AP4E1: variants seen among roughly 807,000 people sequenced by gnomAD.
AP4E1 encodes the protein AP-4 complex subunit epsilon-1.
Under a neutral mutation model 128.2 loss-of-function variants are expected in AP4E1, and 56 were observed. That is an observed-to-expected ratio of 0.44 (90% CI 0.35 to 0.55). AP4E1 has a LOEUF of 0.55. Ranked by LOEUF, AP4E1 falls within the 20% of genes least tolerant of loss-of-function variation. The pLI, the probability that AP4E1 is intolerant of heterozygous loss-of-function variation, is 0.00. For missense variants in AP4E1, 1,324 were observed against 1,307.7 expected (o/e 1.01, Z -0.19); for synonymous variants, 484 against 473.1 (o/e 1.02, Z -0.30).
intron 18 of AP4E1, 63 bp from the exon 19 acceptor site, chr15:50,999,009 A>G (rs1001380416): frequency 4.2e-6 from 6 of 1,435,578 alleles, no homozygotes; most frequent in African/African-American, 1.4e-5. Context: ...GAAAATTGGT[A>G]GTCATGTAAT....
intron 13 of AP4E1, among the ~76,000 whole-genome samples, chr15:50,955,671 G>T (rs2140873309): frequency 6.6e-6 from 1 of 152,316 alleles, no homozygotes. Flanking sequence ...TCAGAGAAAG[G>T]CAGGGACACT....
chr15:50,974,796 C>T (rs536240537), intron 15 of AP4E1, among the ~76,000 whole-genome samples: 2 of 151,132 alleles, frequency 1.3e-5, no homozygotes, highest in East Asian at 3.9e-4. Context: ...TTTCATATAC[C>T]TGTTGGCCAT....
At chr15:50,915,836 A>G (rs1368468305) in intron 3 of AP4E1, 1 of 407,484 alleles carries the variant, frequency 2.5e-6, no homozygotes, top group African/African-American at 2.0e-5. Context: ...GTCAGAACTC[A>G]TTGAACCATA....
At chr15:50,997,064 A>T (rs1219404423) in intron 17 of AP4E1, among the ~76,000 whole-genome samples, 1 of 152,174 alleles carries the variant, frequency 6.6e-6, no homozygotes, top group Non-Finnish European at 1.5e-5. Context: ...TTTGTTCATG[A>T]CTGACTTTTG....
Position 51,002,062 on chromosome 15 carries a change from G to C in AP4E1, c.3254-440G>C, listed in dbSNP as rs1298169203. 2.6e-5 allele frequency among the ~76,000 whole-genome samples: 4 copies of C among 152,140 alleles called. No individual in the cohort carries two copies. The East Asian group carries it at 7.7e-4, about 29-fold the overall frequency. ...CTCAGCTAATTTTTTGTATTTTTTA[G>C]TAGAGATGGGGTTTCACCATATTGC... is the stretch of plus-strand genomic sequence containing the variant. On this transcript the variant is annotated intron_variant, in intron 20 of 20. Coordinates refer to ENST00000261842, the MANE Select transcript of AP4E1 (RefSeq NM_007347.5).
chr15:50,949,367 C>T (rs2064112822), intron 11 of AP4E1, among the ~76,000 whole-genome samples: 2 of 149,560 alleles, frequency 1.3e-5, no homozygotes, highest in African/African-American at 4.9e-5. Flanking sequence ...GAACCGAGAT[C>T]GCACCACTGC....
intron 15 of AP4E1, 83 bp downstream of exon 15, chr15:50,968,460 A>G: frequency 2.0e-6 from 2 of 983,690 alleles, no homozygotes; most frequent in Non-Finnish European, 3.1e-6. Context: ...ATAAATAAAG[A>G]TATTTACTTT....
intron 15 of AP4E1, among the ~76,000 whole-genome samples, chr15:50,978,589 GTTTATAC>G (rs1323981785): frequency 1.3e-5 from 2 of 152,140 alleles, no homozygotes; most frequent in East Asian, 1.9e-4. Flanking sequence ...GCCCAGGATA[GTTTATAC>G]TTTATTATGT....
chr15:50,997,381 A>G lies in AP4E1; in HGVS notation c.2402A>G (p.Glu801Gly). 1 of 1,604,076 alleles carries G rather than the reference A, an allele frequency of 6.2e-7. No homozygotes were observed. Among genetic ancestry groups the G allele is most frequent in the Non-Finnish European group, 8.5e-7 (1 of 1,177,120 alleles). Residue 801 changes from glutamate to glycine, a missense_variant, in exon 18 of 21, where the codon GAA becomes GGA. Glu to Gly is a moderately conservative substitution (Grantham distance 98). Transcript: ENST00000261842. ...TTCAGAAGGAAATCAAAAGTCAAAGAAGCTAAAAGTGGCGAAACAACCAGT... is the reference window on the plus strand; with the variant it reads ...TTCAGAAGGAAATCAAAAGTCAAAGGAGCTAAAAGTGGCGAAACAACCAGT... ...HKFRRKSKVK[E>G]AKSGETTSTH... is the part of the protein sequence containing the mutation.
At chr15:50,925,758 T>C (rs1479235107) in intron 5 of AP4E1, among the ~76,000 whole-genome samples, 2 of 151,450 alleles carry the variant, frequency 1.3e-5, no homozygotes, top group Non-Finnish European at 2.9e-5. Context: ...GCCTCCCATG[T>C]AGCTAGGATT....
At chr15:50,984,310 T>C (rs1307991744) in intron 16 of AP4E1, among the ~76,000 whole-genome samples, 165 bp downstream of exon 16, 1 of 151,900 alleles carries the variant, frequency 6.6e-6, no homozygotes, top group East Asian at 1.9e-4. Flanking sequence ...ATAATTTTCT[T>C]TTTTTTTAAT....
intron 8 of AP4E1, among the ~76,000 whole-genome samples, chr15:50,939,395 C>G (rs955820844): frequency 6.6e-6 from 1 of 151,754 alleles, no homozygotes; most frequent in African/African-American, 2.4e-5. Context: ...ATCACTTGAA[C>G]CTGGGGGGTG....
chr15:50,971,435 G>A (rs1258285212), intron 15 of AP4E1, among the ~76,000 whole-genome samples: 1 of 152,046 alleles, frequency 6.6e-6, no homozygotes, highest in Non-Finnish European at 1.5e-5. Context: ...GACCTGCTTG[G>A]GGTTGAATCT....
chr15:50,945,403 C>T lies in AP4E1; in HGVS notation c.1177-2617C>T. 3.9e-6 allele frequency: 3 copies of T among 778,172 alleles called. No individual in the cohort carries two copies. In the South Asian group the frequency reaches 4.0e-5, roughly 10 times the overall value. The allele number at this position is 778,172 out of a possible 1,614,324, so 48.2% of individuals were successfully genotyped here. A position where few individuals can be genotyped will look rare whatever the true frequency, so the allele number is the denominator to read the frequency against. On this transcript the variant is annotated intron_variant, in intron 10 of 20. Transcript: ENST00000261842. ...GAGAACAAATACAGTTTGTTGGAAC[C>T]CTATGGAAGCTTTCATTTTTACGGC...
intron 15 of AP4E1, among the ~76,000 whole-genome samples, chr15:50,970,121 C>T (rs1388899028): frequency 2.0e-5 from 3 of 152,120 alleles, no homozygotes; most frequent in African/African-American, 7.2e-5. Flanking sequence ...GCCTAGTATC[C>T]TCTATTCTAA....
chr15:50,910,307 G>A (rs1308234186), intron 1 of AP4E1, among the ~76,000 whole-genome samples: 1 of 152,134 alleles, frequency 6.6e-6, no homozygotes, highest in East Asian at 1.9e-4. Context: ...ATGGTTGCAC[G>A]GATTGTGTAG....
intron 3 of AP4E1, among the ~76,000 whole-genome samples, chr15:50,921,146 C>A: frequency 6.6e-6 from 1 of 151,502 alleles, no homozygotes; most frequent in South Asian, 2.1e-4. Flanking sequence ...TGAATAAATA[C>A]TTTTTTTAAG....
chr15:50,919,796 G>T (rs1011721961), intron 3 of AP4E1, among the ~76,000 whole-genome samples: 3 of 151,696 alleles, frequency 2.0e-5, no homozygotes, highest in Non-Finnish European at 4.4e-5. Flanking sequence ...AATTTATGGG[G>T]CTGGGCACGG....
At chr15:50,977,448 C>T (rs954882215) in intron 15 of AP4E1, among the ~76,000 whole-genome samples, 2 of 152,164 alleles carry the variant, frequency 1.3e-5, no homozygotes, top group Admixed American at 6.6e-5. Context: ...AAACTAGATT[C>T]TCCCTCTCTC....
Sources: gnomAD v4.1 joint callset for allele counts (sites outside exome capture counted in the v4.1 genomes callset) on GRCh38, gnomAD v4.1.1 for gene constraint, MANE v1.5 for transcripts, NCBI Gene and HGNC (gene_info 2026-07-23, HGNC 2026-07-21) for gene names.